The following CLEC4C variants were observed in gnomAD, a reference collection of about 807,000 sequenced individuals.
The protein encoded by CLEC4C is C-type lectin domain family 4 member C, also known as C-type (calcium dependent, carbohydrate-recognition domain) lectin, superfamily member 11.
Under a neutral mutation model 27.7 loss-of-function variants are expected in CLEC4C, and 17 were observed. That is an observed-to-expected ratio of 0.61 (90% CI 0.42 to 0.92). The LOEUF (loss-of-function observed/expected upper bound fraction) is 0.92, where lower values mean the gene tolerates loss of function less well. Ranked by LOEUF, CLEC4C falls within the 40% of genes least tolerant of loss-of-function variation. The pLI, the probability that CLEC4C is intolerant of heterozygous loss-of-function variation, is 0.00. For missense variants in CLEC4C, 244 were observed against 257.3 expected, an observed-to-expected ratio of 0.95 and a Z score of 0.35; for synonymous variants, 80 against 80.8, an observed-to-expected ratio of 0.99 and a Z score of 0.06.
chr12:7,737,978 G>A (rs759063679), intron 3 of CLEC4C, among the ~76,000 whole-genome samples: 1 of 152,052 alleles, frequency 6.6e-6, no homozygotes, highest in Admixed American at 6.6e-5. Context: ...TCCAGGCCCT[G>A]CTTTAAACCC....
intron 3 of CLEC4C, among the ~76,000 whole-genome samples, chr12:7,740,713 A>C (rs755609436): frequency 6.6e-6 from 1 of 151,698 alleles, no homozygotes; most frequent in East Asian, 1.9e-4. Flanking sequence ...AAAAGAAAAA[A>C]AAGAAAAGAA....
intron 3 of CLEC4C, among the ~76,000 whole-genome samples, 157 bp downstream of exon 3, chr12:7,741,264 C>T: frequency 6.6e-6 from 1 of 152,092 alleles, no homozygotes; most frequent in East Asian, 1.9e-4. Context: ...TTGGGCCCAG[C>T]CTGAGGTGTC....
At chr12:7,747,264 C>T in intron 1 of CLEC4C, 54 bp downstream of exon 1, 1 of 1,538,988 alleles carries the variant, frequency 6.5e-7, no homozygotes, top group Non-Finnish European at 9.0e-7. Context: ...TGCCTGTTTC[C>T]CACTCCATCC....
At chr12:7,743,036 C>A (rs1266949918) in intron 2 of CLEC4C, among the ~76,000 whole-genome samples, 2 of 151,978 alleles carry the variant, frequency 1.3e-5, no homozygotes, top group Non-Finnish European at 1.5e-5. Context: ...CTTGATTTCC[C>A]CCTACAATAA....
At position 7,746,317 on chromosome 12, in the gene CLEC4C, A is replaced by AG. The variant is rs1273132830; in HGVS notation, c.124+13dup. The AG allele has an allele frequency of 6.4e-7, 1 of 1,560,780 alleles. No homozygotes were observed. Among genetic ancestry groups the AG allele is most frequent in the African/African-American group, 1.4e-5 (1 of 73,838 alleles). The stretch of plus-strand genomic sequence containing the variant: ...AAGGACCAAGAGATGACTGCACTCC[A>AG]GCCAAGAACTTACCCACAGAACTCA... On this transcript the variant is annotated intron_variant, in intron 2 of 5. Coordinates refer to ENST00000360345, the MANE Select transcript of CLEC4C (RefSeq NM_001371390.1).
At chr12:7,740,845 C>T (rs1864836811) in intron 3 of CLEC4C, among the ~76,000 whole-genome samples, 2 of 140,654 alleles carry the variant, frequency 1.4e-5, no homozygotes, top group South Asian at 2.2e-4. Flanking sequence ...TTTGAGGTGT[C>T]TATTTTTTTT....
upstream of CLEC4C, chr12:7,749,400 A>C (rs971772842): frequency 2.0e-5 from 3 of 151,970 alleles, no homozygotes; most frequent in Admixed American, 1.3e-4. Flanking sequence ...CTAAAAATCC[A>C]AAAAATTAGC....
intron 2 of CLEC4C, among the ~76,000 whole-genome samples, chr12:7,742,900 T>C (rs1478185443): frequency 6.6e-6 from 1 of 152,140 alleles, no homozygotes; most frequent in Non-Finnish European, 1.5e-5. Context: ...CTCTTGCCCA[T>C]CCCATTTCAA....
chr12:7,747,187 A>T, intron 1 of CLEC4C, 131 bp downstream of exon 1: 1 of 832,538 alleles, frequency 1.2e-6, no homozygotes, highest in African/African-American at 1.7e-5. Flanking sequence ...CTGTTTCCAT[A>T]CTGAAATTAC....
rs926987163 is a variant in CLEC4C, at chr12:7,739,711, A to G, written c.235+1710T>C. Reference sequence around the variant, plus strand: ...TTATCTTTTTTTTAGACAGGGTCTCACTTTGTCACCCGGGCTGGAGTGCAG... The same window carrying G: ...TTATCTTTTTTTTAGACAGGGTCTCGCTTTGTCACCCGGGCTGGAGTGCAG... On this transcript the variant is annotated intron_variant, in intron 3 of 5. Coordinates refer to ENST00000360345, the MANE Select transcript of CLEC4C (RefSeq NM_001371390.1). Among the ~76,000 whole-genome samples, 15 of 151,804 alleles carry G rather than the reference A, an allele frequency of 9.9e-5. No individual in the cohort carries two copies. In the East Asian group the frequency reaches 2.9e-3, roughly 30 times the overall value.
At chr12:7,736,096 A>G (rs1864719798) in intron 4 of CLEC4C, among the ~76,000 whole-genome samples, 1 of 152,096 alleles carries the variant, frequency 6.6e-6, no homozygotes, top group African/African-American at 2.4e-5. Context: ...AGCCTGGCCA[A>G]CATGGTGAAA....
intron 2 of CLEC4C, among the ~76,000 whole-genome samples, chr12:7,743,789 C>G (rs1031766365): frequency 2.6e-5 from 4 of 152,110 alleles, no homozygotes; most frequent in Non-Finnish European, 5.9e-5. Context: ...AATTAAATAA[C>G]CATCTTGTAT....
rs757426897 is a variant in CLEC4C at position 7,746,017 on chromosome 12, C to T, written c.124+314G>A. On this transcript the variant is annotated intron_variant, in intron 2 of 5. Coordinates refer to ENST00000360345, the MANE Select transcript of CLEC4C (RefSeq NM_001371390.1). Reference sequence around the variant, plus strand: ...GATCACGAGGTCAGGAGATCGAAACCACCCTGGCTAACACAGTGAAAACCC... The same window carrying T: ...GATCACGAGGTCAGGAGATCGAAACTACCCTGGCTAACACAGTGAAAACCC... Among the ~76,000 whole-genome samples, 35 of 151,526 alleles carry T rather than the reference C, an allele frequency of 2.3e-4. No individual in the cohort carries two copies. The South Asian group carries it at 7.1e-3, about 31-fold the overall frequency.
chr12:7,747,734 C>T (rs756233807), upstream of CLEC4C, among the ~76,000 whole-genome samples: 6 of 146,322 alleles, frequency 4.1e-5, no homozygotes, highest in Non-Finnish European at 8.9e-5. Context: ...CTCTGCCTCG[C>T]GGGTTCAAGC....
At chr12:7,730,591 G>T (rs1050711705) in intron 5 of CLEC4C, among the ~76,000 whole-genome samples, 2 of 146,082 alleles carry the variant, frequency 1.4e-5, no homozygotes, top group Admixed American at 1.4e-4. Flanking sequence ...AGTGAGCCAA[G>T]ATCATACCAC....
chr12:7,740,657 C>G (rs767176449), intron 3 of CLEC4C, among the ~76,000 whole-genome samples: 36 of 149,452 alleles, frequency 2.4e-4, no homozygotes, highest in African/African-American at 8.4e-4. Flanking sequence ...GCCGAGATCG[C>G]GCCACTGCAC....
At chr12:7,739,258 G>A (rs1017076054) in intron 3 of CLEC4C, among the ~76,000 whole-genome samples, 2 of 151,622 alleles carry the variant, frequency 1.3e-5, no homozygotes, top group Non-Finnish European at 2.9e-5. Flanking sequence ...GACTACAGGT[G>A]CCCGCCACCA....
intron 4 of CLEC4C, among the ~76,000 whole-genome samples, chr12:7,732,634 G>A (rs1297421689): frequency 6.6e-6 from 1 of 151,854 alleles, no homozygotes; most frequent in African/African-American, 2.4e-5. Context: ...TTACAGGCGT[G>A]AGCCACCGTG....
At chr12:7,743,372 C>A (rs1864900757) in intron 2 of CLEC4C, among the ~76,000 whole-genome samples, 1 of 149,248 alleles carries the variant, frequency 6.7e-6, no homozygotes. Context: ...CTTATCCTCA[C>A]TTAATTCTTT....
Sources: allele counts gnomAD v4.1 joint callset (sites outside exome capture counted in the v4.1 genomes callset), GRCh38; gene constraint gnomAD v4.1.1; transcripts MANE v1.5; gene names NCBI Gene and HGNC (gene_info 2026-07-23, HGNC 2026-07-21).